The following PHACTR2 variants were observed in gnomAD, a reference collection of about 807,000 sequenced individuals.
PHACTR2 encodes the protein phosphatase and actin regulator 2.
In PHACTR2, 30 loss-of-function variants were observed where a neutral mutation model predicts 76.0. That is an observed-to-expected ratio of 0.39 (90% CI 0.30 to 0.54). The LOEUF is 0.54. Ranked by LOEUF, PHACTR2 falls within the 20% of genes least tolerant of loss-of-function variation. PHACTR2 has a pLI of 0.61. For missense variants in PHACTR2, 696 were observed against 781.1 expected, an observed-to-expected ratio of 0.89 and a Z score of 1.30; for synonymous variants, 292 against 292.5, an observed-to-expected ratio of 1.00 and a Z score of 0.02.
intron 11 of PHACTR2, among the ~76,000 whole-genome samples, chr6:143,796,379 T>TTTTCTTTCTTTCTTTCTTTCTTTC (rs147314577): frequency 2.7e-5 from 4 of 148,710 alleles, no homozygotes; most frequent in African/African-American, 9.9e-5. Context: ...TTTCTTTTTC[T>TTTTCTTTCTTTCTTTCTTTCTTTC]TTTCTTTCTT....
chr6:143,753,982 T>A lies in PHACTR2; in HGVS notation c.454+70T>A. On this transcript the variant is annotated intron_variant, in intron 4 of 12. Transcript: ENST00000440869. The surrounding 1 kb of genome is among the most constrained non-coding windows in gnomAD (Gnocchi z 4.6). ...CAATGTCTAGAACCAGCACTTAGGC[T>A]CCAACTAGTGACTCTAAAACCAGCA... 2 of 1,049,366 alleles carry A rather than the reference T, an allele frequency of 1.9e-6. No homozygotes were observed. Among genetic ancestry groups the A allele is most frequent in the Non-Finnish European group, 1.3e-6 (1 of 753,928 alleles). The allele number at this position is 1,049,366 out of a possible 1,614,324, so 65.0% of individuals were successfully genotyped here.
chr6:143,549,780 G>A lies in PHACTR2; in HGVS notation c.217+12573G>A, dbSNP rs1412857539. ...TTCTAAGGCTTCCCTTGATGTTCAT[G>A]TTTGCAGGCCCTCACCTGTGTTAAA... is the stretch of plus-strand genomic sequence containing the variant. On this transcript the variant is annotated intron_variant, in intron 1 of 11. Coordinates refer to the PHACTR2 transcript ENST00000367584. This position sits in a 1 kb window ranked among gnomAD's most constrained non-coding sequence, Gnocchi z 4.2. 6.6e-6 allele frequency among the ~76,000 whole-genome samples: 1 copy of A among 151,858 alleles called. No individual in the cohort carries two copies. Among genetic ancestry groups the A allele is most frequent in the African/African-American group, 2.4e-5 (1 of 41,442 alleles).
In PHACTR2 at chr6:143,549,810, T is replaced by G. The variant is rs1186507440; in HGVS notation, c.217+12603T>G. Among the ~76,000 whole-genome samples, 2 of 151,792 alleles carry G rather than the reference T, an allele frequency of 1.3e-5. No individual in the cohort carries two copies. The highest frequency in any genetic ancestry group is 2.4e-5 in the African/African-American group (1 of 41,374). On this transcript the variant is annotated intron_variant, in intron 1 of 11. Transcript: ENST00000367584. The surrounding 1 kb of genome is among the most constrained non-coding windows in gnomAD (Gnocchi z 4.2). ...CAGGCCCTCACCTGTGTTAAAGTCATGCTTAGGAGTGGGGGTGGGGTGTCT... is the reference window on the plus strand; with the variant it reads ...CAGGCCCTCACCTGTGTTAAAGTCAGGCTTAGGAGTGGGGGTGGGGTGTCT...
rs1046382822 is a variant in PHACTR2 at position 143,784,170 on chromosome 6, C to T, written c.1707+890C>T. 6.6e-6 allele frequency among the ~76,000 whole-genome samples: 1 copy of T among 152,082 alleles called. No individual in the cohort carries two copies. The highest frequency in any genetic ancestry group is 2.4e-5 in the African/African-American group (1 of 41,392). On this transcript the variant is annotated intron_variant, in intron 10 of 12. Coordinates refer to ENST00000440869, the MANE Select transcript of PHACTR2 (RefSeq NM_001100164.2). The surrounding 1 kb of genome is among the most constrained non-coding windows in gnomAD (Gnocchi z 4.5). ...TAATTTGTTACTCCTGAAGATTTCC[C>T]ACTATTCCACATCACAGCTGGGTAA... is the stretch of plus-strand genomic sequence containing the variant.
intron 1 of PHACTR2, among the ~76,000 whole-genome samples, chr6:143,560,907 G>GTGTGTGTGTGTT (rs1775261652): frequency 6.6e-6 from 1 of 151,518 alleles, no homozygotes. Context: ...GTGTGTGTGT[G>GTGTGTGTGTGTT]TGTGTGTGTG....
chr6:143,713,751 G>A (rs1778236669), intron 2 of PHACTR2, among the ~76,000 whole-genome samples: 1 of 152,166 alleles, frequency 6.6e-6, no homozygotes, highest in African/African-American at 2.4e-5. Context: ...TCCAGTCCCT[G>A]GCTGGGCATC....
In PHACTR2 at chr6:143,578,453, AG is replaced by A. The variant is rs1582682042; in HGVS notation, c.217+41248del. Among the ~76,000 whole-genome samples the A allele has an allele frequency of 6.6e-6, 1 of 152,182 alleles. No homozygotes were observed. Among genetic ancestry groups the A allele is most frequent in the South Asian group, 2.1e-4 (1 of 4,830 alleles). ...GCATGGTAGCCATGGAAGGATGTGTAGGTTGTTCACTGCTCAAGAGCATTGA... is the reference window on the plus strand; with the variant it reads ...GCATGGTAGCCATGGAAGGATGTGTAGTTGTTCACTGCTCAAGAGCATTGA... On this transcript the variant is annotated intron_variant, in intron 1 of 11. Coordinates refer to the PHACTR2 transcript ENST00000367584. The surrounding 1 kb of genome is among the most constrained non-coding windows in gnomAD (Gnocchi z 4.5).
chr6:143,603,453 A>G (rs1775835890), upstream of PHACTR2, among the ~76,000 whole-genome samples: 1 of 151,906 alleles, frequency 6.6e-6, no homozygotes, highest in Admixed American at 6.6e-5. Flanking sequence ...TCCAAGGACC[A>G]TGAATAAGGG....
chr6:143,625,353 G>A lies in PHACTR2; in HGVS notation c.13+17031G>A, dbSNP rs1017319567. Among the ~76,000 whole-genome samples, 32 of 152,048 alleles carry A rather than the reference G, an allele frequency of 2.1e-4. No individual in the cohort carries two copies. The highest frequency in any genetic ancestry group is 1.0e-3 in the Admixed American group (16 of 15,258). On this transcript the variant is annotated intron_variant, in intron 1 of 11. Transcript: ENST00000305766. This position sits in a 1 kb window ranked among gnomAD's most constrained non-coding sequence, Gnocchi z 4.3. ...CAGAATTTAAACTATATCACTACCT[G>A]TACAGTTTATTCAAAAAATAAATAT...
At chr6:143,542,353 A>G (rs1781179038) in intron 1 of PHACTR2, among the ~76,000 whole-genome samples, 4 of 152,166 alleles carry the variant, frequency 2.6e-5, no homozygotes, top group Admixed American at 2.6e-4. Context: ...CCAAGTTACC[A>G]TAGCAGCTGA....
chr6:143,741,168 G>A (rs1284857594), intron 2 of PHACTR2, among the ~76,000 whole-genome samples: 1 of 146,998 alleles, frequency 6.8e-6, no homozygotes, highest in African/African-American at 2.5e-5. Context: ...GAATGAGTCA[G>A]GAGTTCAAGA....
At chr6:143,601,213 T>A (rs1017826951) in intron 1 of PHACTR2, among the ~76,000 whole-genome samples, 6 of 152,166 alleles carry the variant, frequency 3.9e-5, no homozygotes, top group Admixed American at 1.3e-4. Flanking sequence ...CAGGTGTCAG[T>A]TGTGGGTTCC....
intron 2 of PHACTR2, among the ~76,000 whole-genome samples, chr6:143,727,119 C>T (rs1037996981): frequency 6.6e-6 from 1 of 152,152 alleles, no homozygotes; most frequent in Non-Finnish European, 1.5e-5. Context: ...CCCACACACC[C>T]TTCCCAGCCT....
At chr6:143,628,377 T>C (rs1400550088) in intron 1 of PHACTR2, among the ~76,000 whole-genome samples, 3 of 152,286 alleles carry the variant, frequency 2.0e-5, no homozygotes, top group Middle Eastern at 3.4e-3. Flanking sequence ...AGTCTAGCAG[T>C]CTAGTGTCAG....
Position 143,827,591 on chromosome 6 carries a change from ATTC to A in PHACTR2, c.*3905_*3907del, listed in dbSNP as rs1776574595. 1 of 152,210 alleles carries A rather than the reference ATTC, an allele frequency of 6.6e-6. No homozygotes were observed. The highest frequency in any genetic ancestry group is 1.5e-5 in the Non-Finnish European group (1 of 68,030). The allele number at this position is 152,210 out of a possible 1,614,324, so 9.4% of individuals were successfully genotyped here. The stretch of plus-strand genomic sequence containing the variant: ...CTGAGTATGGTAGAATTGTTAAAGC[ATTC>A]TTAAATTCCAATTATATGAAGCCTA... On this transcript the variant is annotated 3_prime_UTR_variant, in exon 13 of 13. Transcript: ENST00000440869.
At chr6:143,655,674 G>C (rs1474414274) in intron 1 of PHACTR2, among the ~76,000 whole-genome samples, 1 of 152,112 alleles carries the variant, frequency 6.6e-6, no homozygotes, top group Non-Finnish European at 1.5e-5. Flanking sequence ...GTAAGAAAAG[G>C]CTAAAGAGAA....
At chr6:143,798,950 C>T (rs1015781615) in intron 11 of PHACTR2, among the ~76,000 whole-genome samples, 1 of 152,154 alleles carries the variant, frequency 6.6e-6, no homozygotes, top group African/African-American at 2.4e-5. Flanking sequence ...GGGATAGTTT[C>T]AGAAGGAATG....
At chr6:143,606,640 C>CT (rs140882854), upstream of PHACTR2, among the ~76,000 whole-genome samples, 2,336 of 152,010 alleles carry the variant, frequency 0.015, 66 homozygotes, top group African/African-American at 0.053. Flanking sequence ...GTTATCTCCT[C>CT]TTTTTTTTCT....
rs1458067958 is a variant in PHACTR2 at position 143,757,961 on chromosome 6, G to GCA, written c.455-2439_455-2438insAC. On this transcript the variant is annotated intron_variant, in intron 4 of 12. Transcript: ENST00000440869. The surrounding 1 kb of genome is among the most constrained non-coding windows in gnomAD (Gnocchi z 4.2). ...TGCGTGTGTGTGCATGCACACGTGC[G>GCA]CGCACACACACACACACACACACAC... Among the ~76,000 whole-genome samples, 2 of 128,988 alleles carry GCA rather than the reference G, an allele frequency of 1.6e-5. No individual in the cohort carries two copies. Among genetic ancestry groups the GCA allele is most frequent in the African/African-American group, 3.2e-5 (1 of 31,214 alleles). The allele number at this position is 128,988 out of a possible 152,430, so 84.6% of individuals were successfully genotyped here. A position where few individuals can be genotyped will look rare whatever the true frequency, so the allele number is the denominator to read the frequency against.
Sources: gnomAD v4.1 joint callset for allele counts (sites outside exome capture counted in the v4.1 genomes callset) on GRCh38, gnomAD v4.1.1 for gene constraint, Gnocchi (gnomAD v3.1) non-coding constraint, MANE v1.5 for transcripts, NCBI Gene and HGNC (gene_info 2026-07-23, HGNC 2026-07-21) for gene names.